HMGXB3: variants seen among roughly 807,000 people sequenced by gnomAD.
HMGXB3 encodes the protein HMG domain-containing protein 3.
In HMGXB3, 45 loss-of-function variants were observed where a neutral mutation model predicts 121.5. The ratio of observed to expected loss-of-function variants is 0.37; its 90% confidence interval spans 0.29 to 0.47. The LOEUF (loss-of-function observed/expected upper bound fraction) is 0.47. Ranked by LOEUF, HMGXB3 falls within the 20% of genes least tolerant of loss-of-function variation. The pLI, the probability that HMGXB3 is intolerant of heterozygous loss-of-function variation, is 0.99. For missense variants in HMGXB3, 1,376 were observed against 1,602.2 expected (o/e 0.86, Z 2.41); for synonymous variants, 590 against 624.1 (o/e 0.95, Z 0.81).
intron 10 of HMGXB3, 63 bp downstream of exon 10, chr5:150,030,902 G>A (rs1232350284): frequency 1.7e-6 from 2 of 1,199,350 alleles, no homozygotes; most frequent in Non-Finnish European, 2.4e-6. Flanking sequence ...GTGGTTGAAG[G>A]TCAGTAGGAG....
In HMGXB3 at chr5:150,045,627, A is replaced by C; in HGVS notation, c.2892A>C (p.Arg964Ser). 6.4e-7 allele frequency: 1 copy of C among 1,551,766 alleles called. No individual in the cohort carries two copies. Among genetic ancestry groups the C allele is most frequent in the Non-Finnish European group, 8.7e-7 (1 of 1,147,012 alleles). ...CCCCCTTCTTCCCACCACTCATGAG[A>C]GGAGCTGTGGTCGTCAACACTGAGA... The part of the protein sequence containing the change: ...VIAPFFPPLM[R>S]GAVVVNTEKD... The change falls in exon 16 of 20, where the codon AGA becomes AGC. Residue 964 changes from arginine to serine, a missense_variant. This residue lies in a region of HMGXB3 where 1,116 missense variants were observed against 1,369.0 expected (regional missense o/e 0.82). Transcript: ENST00000502717.
chr5:150,023,287 A>G (rs970004009), intron 6 of HMGXB3, among the ~76,000 whole-genome samples: 6 of 152,182 alleles, frequency 3.9e-5, no homozygotes, highest in South Asian at 4.1e-4. Flanking sequence ...TACACACTAT[A>G]GAATTAGGTC....
intron 11 of HMGXB3, among the ~76,000 whole-genome samples, chr5:150,033,484 G>A (rs2113751396): frequency 6.6e-6 from 1 of 152,282 alleles, no homozygotes; most frequent in South Asian, 2.1e-4. Context: ...TATGGATAAG[G>A]ATAAGTGTGA....
chr5:150,022,033 T>G, intron 6 of HMGXB3: 3 of 287,162 alleles, frequency 1.0e-5, no homozygotes, highest in South Asian at 1.0e-4. Context: ...CACCTATGAC[T>G]GTGTCTTCCT....
chr5:150,041,714 C>T, intron 14 of HMGXB3, 71 bp from the exon 15 acceptor site: 1 of 1,123,148 alleles, frequency 8.9e-7, no homozygotes. Context: ...TACTTACTAC[C>T]CACTGGCTCA....
In HMGXB3 at chr5:150,051,890, C is replaced by G. The variant is rs1266498026; in HGVS notation, c.3577C>G (p.Leu1193Val). 3 of 1,551,774 alleles carry G rather than the reference C, an allele frequency of 1.9e-6. No individual in the cohort carries two copies. Among genetic ancestry groups the G allele is most frequent in the African/African-American group, 2.7e-5 (2 of 73,196 alleles). Residue 1193 changes from leucine (L) to valine (V), a missense_variant, in exon 20 of 20, where the codon CTG becomes GTG. Physicochemically the swap from Leu to Val is conservative, Grantham distance 32 (BLOSUM62 1). Transcript: ENST00000502717. ...DPSAGHHSLA[L>V]CPELAPYATI... ...CAGTGCTGGGCACCACTCCTTGGCC[C>G]TGTGCCCTGAATTGGCACCTTACGC... is the stretch of plus-strand genomic sequence containing the variant.
chr5:150,052,367 T>C lies in HMGXB3; in HGVS notation c.*175T>C, dbSNP rs79397030. On this transcript the variant is annotated 3_prime_UTR_variant, in exon 20 of 20. Coordinates refer to ENST00000502717, the MANE Select transcript of HMGXB3 (RefSeq NM_014983.3). The stretch of plus-strand genomic sequence containing the variant: ...GCATGGTGGGACCCAGGGTCCTCAG[T>C]TCTCAACCCTCCAGGGGTCAGGAGT... 2.6e-3 allele frequency: 1,605 copies of C among 610,432 alleles called. 15 individuals are homozygous for C. The highest frequency in any genetic ancestry group is 0.026 in the African/African-American group (1,399 of 54,182). The allele number at this position is 610,432 out of a possible 1,614,324, so 37.8% of individuals were successfully genotyped here.
At chr5:150,006,002 C>G (rs899518742) in intron 2 of HMGXB3, among the ~76,000 whole-genome samples, 1 of 152,206 alleles carries the variant, frequency 6.6e-6, no homozygotes, top group African/African-American at 2.4e-5. Flanking sequence ...GGGGAAACAG[C>G]CACTTGCTAT....
At position 150,036,653 on chromosome 5, in the gene HMGXB3, C is replaced by G; in HGVS notation, c.2001C>G (p.Leu667=). 6.5e-7 allele frequency: 1 copy of G among 1,546,854 alleles called. No individual in the cohort carries two copies. The highest frequency in any genetic ancestry group is 8.7e-7 in the Non-Finnish European group (1 of 1,144,590). ...TTKAIEVSSP[L]PDVLNATEPL... Reference sequence around the variant, plus strand: ...CTTCCCAGGAGGTGAGCTCACCACTCCCAGATGTACTGAATGCCACAGAGC... The same window carrying G: ...CTTCCCAGGAGGTGAGCTCACCACTGCCAGATGTACTGAATGCCACAGAGC... The change falls in exon 12 of 20, where the codon CTC becomes CTG. Residue 667 remains leucine (L), a synonymous_variant. Transcript: ENST00000502717.
At chr5:150,008,021 C>A (rs1474439022) in intron 3 of HMGXB3, among the ~76,000 whole-genome samples, 1 of 151,366 alleles carries the variant, frequency 6.6e-6, no homozygotes, top group East Asian at 1.9e-4. Context: ...TGTGCCACTG[C>A]ACTCTAGCCT....
In HMGXB3 at chr5:150,001,001, C is replaced by T. The variant is rs1481415825; in HGVS notation, c.-181C>T. ...GGGCGGGGCCGCGGGGCCGGGGCTCCTTCAGCCCCCGGGATGCGCGCGCGA... is the reference window on the plus strand; with the variant it reads ...GGGCGGGGCCGCGGGGCCGGGGCTCTTTCAGCCCCCGGGATGCGCGCGCGA... On this transcript the variant is annotated 5_prime_UTR_variant, in exon 1 of 20. Transcript: ENST00000502717. 6.5e-6 allele frequency: 1 copy of T among 154,268 alleles called. No homozygotes were observed. Among genetic ancestry groups the T allele is most frequent in the Non-Finnish European group, 1.5e-5 (1 of 68,230 alleles). 9.6% of individuals were successfully genotyped at this position (154,268 alleles called of 1,614,324 possible). A position where few individuals can be genotyped will look rare whatever the true frequency, so the allele number is the denominator to read the frequency against.
At chr5:150,044,545 G>A (rs1205179358) in intron 15 of HMGXB3, among the ~76,000 whole-genome samples, 2 of 152,174 alleles carry the variant, frequency 1.3e-5, no homozygotes, top group Admixed American at 6.5e-5. Context: ...TTACAGTGGA[G>A]GGCTTGCTGG....
At chr5:150,036,965 C>G in intron 12 of HMGXB3, 28 bp downstream of exon 12, 2 of 1,522,780 alleles carry the variant, frequency 1.3e-6, no homozygotes, top group Non-Finnish European at 1.8e-6. Context: ...CTGCCCCTAG[C>G]TACCCCATCC....
In HMGXB3 at chr5:150,051,993, A is replaced by G. The variant is rs1179923670; in HGVS notation, c.3680A>G (p.His1227Arg). ...CCCATTGCCTTCGACAATGCCACTCACTATTACCTCTACAACCGCCTCATG... is the reference window on the plus strand; with the variant it reads ...CCCATTGCCTTCGACAATGCCACTCGCTATTACCTCTACAACCGCCTCATG... ...QRPIAFDNAT[H>R]YYLYNRLMDF... The change falls in exon 20 of 20, where the codon CAC becomes CGC. Residue 1227 changes from histidine (H) to arginine (R), a missense_variant. Transcript: ENST00000502717. The G allele has an allele frequency of 1.3e-6, 2 of 1,552,152 alleles. No individual in the cohort carries two copies. Among genetic ancestry groups the G allele is most frequent in the Admixed American group, 2.0e-5 (1 of 51,008 alleles).
At chr5:150,035,779 G>T (rs1166061302) in intron 11 of HMGXB3, among the ~76,000 whole-genome samples, 1 of 152,044 alleles carries the variant, frequency 6.6e-6, no homozygotes, top group African/African-American at 2.4e-5. Context: ...GCTTGAGAAA[G>T]ACCTATTTTT....
chr5:150,051,060 T>C (rs1756875947), intron 19 of HMGXB3, among the ~76,000 whole-genome samples: 1 of 152,232 alleles, frequency 6.6e-6, no homozygotes. Context: ...AAAACACTCA[T>C]CTTATCCAAC....
intron 9 of HMGXB3, among the ~76,000 whole-genome samples, chr5:150,028,615 G>A (rs142365083): frequency 9.7e-4 from 138 of 142,938 alleles, no homozygotes; most frequent in African/African-American, 3.3e-3. Flanking sequence ...TGCCCAGGCC[G>A]GAGTGCAGTG....
At position 150,006,995 on chromosome 5, in the gene HMGXB3, G is replaced by A. The variant is rs144024918; in HGVS notation, c.312+348G>A. Among the ~76,000 whole-genome samples, 626 of 152,172 alleles carry A rather than the reference G, an allele frequency of 4.1e-3. 2 individuals are homozygous for A. Among genetic ancestry groups the A allele is most frequent in the South Asian group, 0.014 (65 of 4,814 alleles). On this transcript the variant is annotated intron_variant, in intron 3 of 19. Transcript: ENST00000502717. ...TAGTTTATATAGGCATTTCTCCTAC[G>A]CCATGAGTTTTCATATTACAGATTG...
chr5:150,034,482 C>T (rs916052569), intron 11 of HMGXB3, among the ~76,000 whole-genome samples: 1 of 152,062 alleles, frequency 6.6e-6, no homozygotes, highest in Non-Finnish European at 1.5e-5. Flanking sequence ...GGGTGTTACT[C>T]TCTAGATCTA....
Sources: allele counts gnomAD v4.1 joint callset (sites outside exome capture counted in the v4.1 genomes callset), GRCh38; gene constraint gnomAD v4.1.1; regional missense constraint gnomAD v4.1.1; transcripts MANE v1.5; gene names NCBI Gene and HGNC (gene_info 2026-07-23, HGNC 2026-07-21).